Variants in SYNPR observed in about 807,000 individuals in gnomAD.
The protein encoded by SYNPR is synaptoporin.
In SYNPR, 23 loss-of-function variants were observed where a neutral mutation model predicts 32.9. The ratio of observed to expected loss-of-function variants is 0.70; its 90% CI spans 0.50 to 0.99. The LOEUF is 0.99. SYNPR is among the 50% of genes least tolerant of loss of function. SYNPR has a pLI of 0.00. For synonymous variants in SYNPR, 146 were observed against 135.9 expected (o/e 1.07, Z -0.52); for missense variants, 318 against 349.3 (o/e 0.91, Z 0.71).
At chr3:63,379,475 T>C (rs959066937) in intron 2 of SYNPR, among the ~76,000 whole-genome samples, 2 of 151,038 alleles carry the variant, frequency 1.3e-5, no homozygotes, top group Non-Finnish European at 2.9e-5. Flanking sequence ...CTACTGGTTT[T>C]TGCTTCAACT....
intron 4 of SYNPR, among the ~76,000 whole-genome samples, chr3:63,603,699 T>TG (rs1330555585): frequency 6.6e-6 from 1 of 152,230 alleles, no homozygotes; most frequent in Non-Finnish European, 1.5e-5. Flanking sequence ...AAAGCCTGCT[T>TG]GATCATGGTG....
At chr3:63,384,629 T>C (rs889606110) in intron 2 of SYNPR, among the ~76,000 whole-genome samples, 1 of 152,218 alleles carries the variant, frequency 6.6e-6, no homozygotes, top group African/African-American at 2.4e-5. Context: ...ATTGAAATGA[T>C]AGAATATACA....
Position 63,615,770 on chromosome 3 carries a change from T to A in SYNPR, c.*289T>A, listed in dbSNP as rs1700271302. 3 of 278,532 alleles carry A rather than the reference T, an allele frequency of 1.1e-5. No individual in the cohort carries two copies. 17.3% of individuals were successfully genotyped at this position (278,532 alleles called of 1,614,324 possible). On this transcript the variant is annotated 3_prime_UTR_variant, in exon 6 of 6. Coordinates refer to ENST00000478300, the MANE Select transcript of SYNPR (RefSeq NM_001130003.2). ...TGTATGTATGTTAAAGTAGTAGAAG[T>A]ATTTTGTAGCTTAAAGTCTCTAGTA... is the stretch of plus-strand genomic sequence containing the variant.
intron 1 of SYNPR, among the ~76,000 whole-genome samples, chr3:63,232,253 G>A (rs1177060593): frequency 7.6e-6 from 1 of 131,242 alleles, no homozygotes; most frequent in East Asian, 2.6e-4. Flanking sequence ...CCAGGCTGGA[G>A]TGCAATGGCG....
At chr3:63,609,357 T>C (rs1419248997) in intron 5 of SYNPR, 41 bp downstream of exon 5, 14 of 1,430,780 alleles carry the variant, frequency 9.8e-6, no homozygotes, top group Admixed American at 6.2e-5. Context: ...CATATCTTTG[T>C]TTGCCAGTCA....
At chr3:63,272,411 A>T (rs1222923435) in intron 3 of SYNPR, among the ~76,000 whole-genome samples, 2 of 152,070 alleles carry the variant, frequency 1.3e-5, no homozygotes, top group Non-Finnish European at 2.9e-5. Flanking sequence ...TTTCCTTGGG[A>T]TGAAGACTAG....
intron 2 of SYNPR, among the ~76,000 whole-genome samples, chr3:63,379,472 T>G (rs1038245829): frequency 6.6e-6 from 1 of 150,952 alleles, no homozygotes; most frequent in African/African-American, 2.5e-5. Flanking sequence ...GTTCTACTGG[T>G]TTTTGCTTCA....
At chr3:63,335,335 A>C (rs1482733188) in intron 2 of SYNPR, among the ~76,000 whole-genome samples, 2 of 142,970 alleles carry the variant, frequency 1.4e-5, no homozygotes, top group Non-Finnish European at 3.0e-5. Flanking sequence ...CCTGGGCAAC[A>C]GAGCGAGACT....
chr3:63,434,466 C>A (rs550106649), intron 2 of SYNPR, among the ~76,000 whole-genome samples: 6 of 152,292 alleles, frequency 3.9e-5, no homozygotes, highest in African/African-American at 1.2e-4. Context: ...GGCTATGACA[C>A]CCCCCCTTCA....
intron 2 of SYNPR, among the ~76,000 whole-genome samples, chr3:63,450,509 G>C (rs1479522562): frequency 6.6e-6 from 1 of 152,174 alleles, no homozygotes; most frequent in Non-Finnish European, 1.5e-5. Flanking sequence ...ATTTTAAACA[G>C]AGGAAGGCTG....
intron 4 of SYNPR, among the ~76,000 whole-genome samples, chr3:63,607,693 C>T (rs1259480068): frequency 6.6e-6 from 1 of 152,174 alleles, no homozygotes; most frequent in Non-Finnish European, 1.5e-5. Flanking sequence ...TGGTCAGTTA[C>T]GTAATTCACA....
chr3:63,615,555 T>A lies in SYNPR; in HGVS notation c.*74T>A. The A allele has an allele frequency of 6.5e-7, 1 of 1,526,732 alleles. No homozygotes were observed. The highest frequency in any genetic ancestry group is 2.1e-5 in the Admixed American group (1 of 48,344). The allele number at this position is 1,526,732 out of a possible 1,614,324, so 94.6% of individuals were successfully genotyped here. A position where few individuals can be genotyped will look rare whatever the true frequency, so the allele number is the denominator to read the frequency against. The stretch of plus-strand genomic sequence containing the variant: ...CAGTGGCAGAAGAATTTTTTAAGGG[T>A]TTCAATCAATTATTAATGCAGAGAG... On this transcript the variant is annotated 3_prime_UTR_variant, in exon 6 of 6. Transcript: ENST00000478300.
At chr3:63,305,502 G>T (rs927049263) in intron 2 of SYNPR, among the ~76,000 whole-genome samples, 3 of 151,856 alleles carry the variant, frequency 2.0e-5, no homozygotes, top group Non-Finnish European at 2.9e-5. Context: ...GCATATAAGA[G>T]ATTTTTGTTT....
intron 3 of SYNPR, among the ~76,000 whole-genome samples, chr3:63,492,544 T>C (rs1320520541): frequency 1.3e-5 from 2 of 152,202 alleles, no homozygotes; most frequent in Non-Finnish European, 2.9e-5. Context: ...TTAGGTAAGA[T>C]CTGAACAGTC....
chr3:63,288,992 A>G lies in SYNPR; in HGVS notation c.84+10250A>G, dbSNP rs150421975. Among the ~76,000 whole-genome samples the G allele has an allele frequency of 1.4e-3, 209 of 152,336 alleles. 3 individuals are homozygous for G. In the East Asian group the frequency reaches 0.035, roughly 25 times the overall value. ...AGCCATGGAACACAGAGCAGATTGC[A>G]TAAATCAGGGTCCATAACTATCAAA... is the stretch of plus-strand genomic sequence containing the variant. On this transcript the variant is annotated intron_variant, in intron 2 of 5. Transcript: ENST00000478300.
intron 2 of SYNPR, among the ~76,000 whole-genome samples, chr3:63,312,518 T>G (rs1259756496): frequency 6.6e-6 from 1 of 151,928 alleles, no homozygotes; most frequent in African/African-American, 2.4e-5. Context: ...CTTCCCCTTC[T>G]GTCAGCAGAT....
chr3:63,430,339 T>C (rs1169526850), intron 2 of SYNPR, among the ~76,000 whole-genome samples: 2 of 150,960 alleles, frequency 1.3e-5, no homozygotes, highest in Non-Finnish European at 2.9e-5. Context: ...ATATTTTCAT[T>C]CATTCACTCC....
At chr3:63,444,045 T>C (rs1700228877) in intron 2 of SYNPR, among the ~76,000 whole-genome samples, 1 of 152,206 alleles carries the variant, frequency 6.6e-6, no homozygotes, top group Non-Finnish European at 1.5e-5. Context: ...GATCACTAAA[T>C]GAAGTCCTAG....
At chr3:63,536,201 C>G (rs1575698121) in intron 3 of SYNPR, among the ~76,000 whole-genome samples, 1 of 151,968 alleles carries the variant, frequency 6.6e-6, no homozygotes, top group African/African-American at 2.4e-5. Context: ...GAATGGAAGA[C>G]AAATTATGCA....
Sources: gnomAD v4.1 joint callset for allele counts (sites outside exome capture counted in the v4.1 genomes callset) on GRCh38, gnomAD v4.1.1 for gene constraint, MANE v1.5 for transcripts, NCBI Gene and HGNC (gene_info 2026-07-23, HGNC 2026-07-21) for gene names.